The following GRM5 variants were observed in gnomAD, a reference collection of about 807,000 sequenced individuals.
GRM5 encodes the protein metabotropic glutamate receptor 5.
In GRM5, 19 loss-of-function variants were observed where a neutral mutation model predicts 83.1. The ratio of observed to expected loss-of-function variants is 0.23; its 90% CI spans 0.16 to 0.34. The LOEUF is 0.34. Ranked by LOEUF, GRM5 falls within the 10% of genes least tolerant of loss-of-function variation. The pLI is 1.00. For missense variants in GRM5, 1,160 were observed against 1,588.3 expected, an observed-to-expected ratio of 0.73 and a Z score of 4.58; for synonymous variants, 675 against 633.6, an observed-to-expected ratio of 1.07 and a Z score of -0.98.
chr11:88,738,459 A>G (rs1226588059), intron 3 of GRM5, among the ~76,000 whole-genome samples: 1 of 152,104 alleles, frequency 6.6e-6, no homozygotes, highest in Non-Finnish European at 1.5e-5. Flanking sequence ...TAAAAAATGT[A>G]TTAAGAGGTC....
chr11:88,515,802 A>C (rs947764052), intron 9 of GRM5, among the ~76,000 whole-genome samples: 1 of 152,220 alleles, frequency 6.6e-6, no homozygotes, highest in Non-Finnish European at 1.5e-5. Context: ...AGCCAGACAT[A>C]GCTGTTTTGT....
chr11:88,612,508 G>A (rs1299489082), intron 4 of GRM5, among the ~76,000 whole-genome samples: 2 of 152,080 alleles, frequency 1.3e-5, no homozygotes, highest in East Asian at 1.9e-4. Flanking sequence ...GGGTCAAATG[G>A]TATTTCTAGT....
chr11:88,920,663 T>C (rs977058173), intron 2 of GRM5, among the ~76,000 whole-genome samples: 1 of 152,166 alleles, frequency 6.6e-6, no homozygotes, highest in African/African-American at 2.4e-5. Context: ...CTGATAAACA[T>C]AGAGGCAAAA....
intron 2 of GRM5, among the ~76,000 whole-genome samples, chr11:88,951,140 A>G (rs1938449422): frequency 1.3e-5 from 2 of 152,160 alleles, no homozygotes; most frequent in South Asian, 4.1e-4. Context: ...TAAAGCAATG[A>G]ACAGAGGTCT....
chr11:88,509,068 C>T lies in GRM5; in HGVS notation c.3163G>A (p.Gly1055Ser), dbSNP rs1941273393. 1 of 1,553,658 alleles carries T rather than the reference C, an allele frequency of 6.4e-7. No individual in the cohort carries two copies. Among genetic ancestry groups the T allele is most frequent in the Non-Finnish European group, 8.7e-7 (1 of 1,148,718 alleles). The change falls in exon 10 of 10, where the codon GGC (glycine) becomes AGC (serine). Residue 1055 changes from glycine (G) to serine (S), a missense_variant. Physicochemically the swap from Gly to Ser is moderately conservative, Grantham distance 56 (BLOSUM62 0). Transcript: ENST00000305447. ...CTGCTGATCTGCTCCATGAGGGAGC[C>T]CTGCGAGGAGCTGCTGCGCGCCACA... ...EPVARSSSSQ[G>S]SLMEQISSVV...
At chr11:88,956,045 G>A (rs1030862558) in intron 2 of GRM5, among the ~76,000 whole-genome samples, 8 of 152,178 alleles carry the variant, frequency 5.3e-5, no homozygotes, top group Admixed American at 3.9e-4. Flanking sequence ...CGTCAGATCA[G>A]CTTCACAAAA....
At chr11:88,693,191 T>A (rs78970798) in intron 3 of GRM5, among the ~76,000 whole-genome samples, 1,895 of 152,330 alleles carry the variant, frequency 0.012, 42 homozygotes, top group African/African-American at 0.044. Flanking sequence ...GAGGTCCTAC[T>A]ACCTACAAAA....
chr11:88,650,530 G>T (rs1359879107), intron 4 of GRM5, among the ~76,000 whole-genome samples: 2 of 151,772 alleles, frequency 1.3e-5, no homozygotes, highest in Admixed American at 6.6e-5. Flanking sequence ...AAATACAGAA[G>T]AAAAAACCAG....
chr11:88,781,749 T>C (rs984831867), intron 3 of GRM5, among the ~76,000 whole-genome samples: 9 of 152,206 alleles, frequency 5.9e-5, no homozygotes, highest in African/African-American at 2.2e-4. Context: ...CAATCTCCTC[T>C]GGCCACCTCA....
intron 3 of GRM5, among the ~76,000 whole-genome samples, chr11:88,823,927 T>C (rs1290554101): frequency 6.6e-6 from 1 of 152,178 alleles, no homozygotes; most frequent in East Asian, 1.9e-4. Context: ...ACAAACTTTT[T>C]ATTATTCTTG....
At chr11:88,685,487 C>T (rs749808934) in intron 3 of GRM5, among the ~76,000 whole-genome samples, 3 of 152,190 alleles carry the variant, frequency 2.0e-5, no homozygotes, top group Non-Finnish European at 2.9e-5. Context: ...AAATTCAAGC[C>T]AGCTGCAGAA....
chr11:88,506,410 A>C lies in GRM5; in HGVS notation c.*2182T>G, dbSNP rs1024702783. On this transcript the variant is annotated 3_prime_UTR_variant, in exon 10 of 10. Coordinates refer to ENST00000305447, the MANE Select transcript of GRM5 (RefSeq NM_001143831.3). The stretch of plus-strand genomic sequence containing the variant: ...GGTTTTTAATACCTAAGAAGTCAAG[A>C]TAGGAATCCTCAGGTGAATGCCATC... The C allele has an allele frequency of 3.3e-5, 5 of 152,236 alleles. No homozygotes were observed. The highest frequency in any genetic ancestry group is 7.2e-5 in the African/African-American group (3 of 41,472). 9.4% of individuals were successfully genotyped at this position (152,236 alleles called of 1,614,324 possible). A position where few individuals can be genotyped will look rare whatever the true frequency, so the allele number is the denominator to read the frequency against.
intron 7 of GRM5, among the ~76,000 whole-genome samples, chr11:88,570,719 G>C (rs1296095691): frequency 6.7e-6 from 1 of 149,988 alleles, no homozygotes; most frequent in Non-Finnish European, 1.5e-5. Context: ...TGGGATTACA[G>C]GCACTCCCGG....
chr11:88,527,675 G>T (rs1274282715), intron 8 of GRM5, among the ~76,000 whole-genome samples: 2 of 152,016 alleles, frequency 1.3e-5, no homozygotes, highest in Non-Finnish European at 1.5e-5. Context: ...CTATAACAAA[G>T]TCATGGAATC....
intron 3 of GRM5, among the ~76,000 whole-genome samples, chr11:88,754,462 A>T (rs1199008965): frequency 1.3e-5 from 2 of 152,154 alleles, no homozygotes; most frequent in African/African-American, 4.8e-5. Flanking sequence ...TTAATTATTC[A>T]TTATAATGTA....
intron 9 of GRM5, among the ~76,000 whole-genome samples, chr11:88,518,493 T>C (rs1007942268): frequency 6.6e-6 from 1 of 152,034 alleles, no homozygotes; most frequent in Non-Finnish European, 1.5e-5. Flanking sequence ...AGATGGTTCA[T>C]GAATAAATGG....
At chr11:88,612,076 C>T (rs1428132488) in intron 4 of GRM5, among the ~76,000 whole-genome samples, 2 of 150,062 alleles carry the variant, frequency 1.3e-5, no homozygotes, top group African/African-American at 2.5e-5. Flanking sequence ...ACTAACTCGT[C>T]ATCTAGCATT....
At chr11:88,555,274 C>G (rs796367996) in intron 8 of GRM5, among the ~76,000 whole-genome samples, 2 of 152,194 alleles carry the variant, frequency 1.3e-5, no homozygotes, top group African/African-American at 4.8e-5. Context: ...TTGGAAGTTC[C>G]TTAGCAAAGC....
At chr11:88,584,955 C>G (rs1395143191) in intron 7 of GRM5, among the ~76,000 whole-genome samples, 2 of 152,112 alleles carry the variant, frequency 1.3e-5, no homozygotes. Context: ...ATTTTTTAAG[C>G]TGAAGGAATT....
Sources: allele counts gnomAD v4.1 joint callset (sites outside exome capture counted in the v4.1 genomes callset), GRCh38; gene constraint gnomAD v4.1.1; transcripts MANE v1.5; gene names NCBI Gene and HGNC (gene_info 2026-07-23, HGNC 2026-07-21).